The following CNST variants were observed in gnomAD, a reference collection of about 807,000 sequenced individuals.
The protein encoded by CNST is consortin, connexin sorting protein.
CNST carries 39 observed loss-of-function variants against 72.4 expected under a neutral mutation model. That is an observed-to-expected ratio of 0.54 (90% CI 0.42 to 0.70). CNST has a LOEUF of 0.70. Ranked by LOEUF, CNST falls within the 30% of genes least tolerant of loss-of-function variation. CNST has a pLI of 0.00. For missense variants in CNST, 871 were observed against 868.5 expected (o/e 1.00, Z -0.04); for synonymous variants, 332 against 320.1 (o/e 1.04, Z -0.40).
intron 1 of CNST, chr1:246,569,876 G>T: frequency 1.1e-6 from 1 of 915,010 alleles, no homozygotes. Context: ...GGCACAGTAT[G>T]AGTTTCTGTC....
intron 1 of CNST, 60 bp downstream of exon 1, chr1:246,566,723 C>G: frequency 2.5e-6 from 1 of 400,318 alleles, no homozygotes; most frequent in Non-Finnish European, 4.4e-6. Context: ...GATGGAAAGC[C>G]TTTCGGAAGC....
At chr1:246,642,070 A>T (rs747429755) in intron 8 of CNST, 33 bp downstream of exon 8, 2 of 1,214,124 alleles carry the variant, frequency 1.6e-6, no homozygotes, top group East Asian at 4.9e-5. Flanking sequence ...GGAGCAACGT[A>T]AAAGATACCT....
chr1:246,591,409 C>A, intron 1 of CNST, 103 bp from the exon 2 acceptor site: 1 of 815,912 alleles, frequency 1.2e-6, no homozygotes, highest in Non-Finnish European at 1.9e-6. Context: ...CCTTCTCTTC[C>A]CTATTTACAA....
Position 246,583,963 on chromosome 1 carries a change from G to T in CNST, c.-51-7549G>T, listed in dbSNP as rs543899478. 2.0e-5 allele frequency among the ~76,000 whole-genome samples: 3 copies of T among 152,230 alleles called. No homozygotes were observed. In the South Asian group the frequency reaches 6.2e-4, roughly 32 times the overall value. ...TGTACTTTTTTTTTCTTTTTAAGAG[G>T]CAAGGTCTTGCTGTGTTTCCCAGGC... is the stretch of plus-strand genomic sequence containing the variant. On this transcript the variant is annotated intron_variant, in intron 1 of 10. Transcript: ENST00000366513.
At chr1:246,652,902 G>A (rs1427861933) in intron 9 of CNST, among the ~76,000 whole-genome samples, 4 of 151,458 alleles carry the variant, frequency 2.6e-5, no homozygotes, top group Non-Finnish European at 5.9e-5. Context: ...TACTCGGGAG[G>A]CTGAGGCAGG....
chr1:246,658,399 G>C (rs1056119746), intron 9 of CNST, among the ~76,000 whole-genome samples: 2 of 151,792 alleles, frequency 1.3e-5, no homozygotes, highest in Admixed American at 1.3e-4. Flanking sequence ...AAGTACTTCT[G>C]TTTTCTCAGA....
At position 246,591,753 on chromosome 1, in the gene CNST, C is replaced by G. The variant is rs777265758; in HGVS notation, c.191C>G (p.Ser64Cys). ...SDSAMGKPQV[S>C]EQDSLNNNES... ...AGTGCGATGGGAAAGCCCCAAGTGT[C>G]TGAGCAGGACAGTCTCAATAATAAT... The change falls in exon 2 of 11, where the codon TCT becomes TGT. Residue 64 changes from serine to cysteine, a missense_variant. Coordinates refer to ENST00000366513, the MANE Select transcript of CNST (RefSeq NM_152609.3). The G allele has an allele frequency of 1.2e-6, 2 of 1,614,162 alleles. No homozygotes were observed. The highest frequency in any genetic ancestry group is 1.7e-6 in the Non-Finnish European group (2 of 1,180,038).
chr1:246,592,469 A>C (rs1463986925), intron 2 of CNST, among the ~76,000 whole-genome samples: 1 of 152,212 alleles, frequency 6.6e-6, no homozygotes, highest in African/African-American at 2.4e-5. Flanking sequence ...GCCTGGCTAC[A>C]GAGTGAGACT....
At chr1:246,587,226 G>A (rs1412145327) in intron 1 of CNST, among the ~76,000 whole-genome samples, 3 of 152,014 alleles carry the variant, frequency 2.0e-5, no homozygotes, top group Non-Finnish European at 4.4e-5. Flanking sequence ...AGCCTCTTGA[G>A]TAGCTGACAC....
intron 3 of CNST, among the ~76,000 whole-genome samples, chr1:246,624,798 C>T (rs1240428653): frequency 1.3e-5 from 2 of 152,204 alleles, no homozygotes; most frequent in African/African-American, 4.8e-5. Flanking sequence ...GGGCTATAGG[C>T]ATGTGCCACT....
chr1:246,641,534 A>G lies in CNST; in HGVS notation c.819-215A>G, dbSNP rs926007557. On this transcript the variant is annotated intron_variant, in intron 6 of 10. Transcript: ENST00000366513. ...TTTGTTGCTTCTTTGGGGGTTTCCA[A>G]TAGCAGTTGGCCATCTAAGGAGATA... Among the ~76,000 whole-genome samples the G allele has an allele frequency of 6.6e-5, 10 of 152,226 alleles. No individual in the cohort carries two copies. In the South Asian group the frequency reaches 8.3e-4, roughly 13 times the overall value.
intron 2 of CNST, among the ~76,000 whole-genome samples, chr1:246,611,907 G>T (rs371464532): frequency 2.0e-5 from 3 of 152,300 alleles, no homozygotes; most frequent in African/African-American, 7.2e-5. Context: ...AAAAAGGAAT[G>T]CTAATCTGAT....
At chr1:246,591,231 A>C (rs1661527197) in intron 1 of CNST, among the ~76,000 whole-genome samples, 2 of 152,184 alleles carry the variant, frequency 1.3e-5, no homozygotes, top group Non-Finnish European at 2.9e-5. Context: ...AGTGGTGCCT[A>C]GGTTCCATCC....
In CNST at chr1:246,631,910, TC is replaced by T; in HGVS notation, c.604del (p.Gln202ArgfsTer9). 1 of 1,550,672 alleles carries T rather than the reference TC, an allele frequency of 6.4e-7. No individual in the cohort carries two copies. The highest frequency in any genetic ancestry group is 8.8e-7 in the Non-Finnish European group (1 of 1,132,440). ...TTTTAACAGATAGCAGAATCCTATT[TC>T]CAGGAGGAGGACTGTATCCTTTTCT... ...LCLHQIAESYFQEEDYEKAMK... is the reference protein window; with the variant it reads ...LCLHQIAESYXQEEDYEKAMK... On this transcript the variant is annotated frameshift_variant, in exon 4 of 11. Coordinates refer to ENST00000366513, the MANE Select transcript of CNST (RefSeq NM_152609.3). LOFTEE classifies it high-confidence loss of function.
chr1:246,660,423 G>C, intron 10 of CNST, 89 bp downstream of exon 10: 1 of 1,432,112 alleles, frequency 7.0e-7, no homozygotes, highest in Non-Finnish European at 9.5e-7. Flanking sequence ...TTTACTAACA[G>C]GATTTGTAAA....
intron 9 of CNST, among the ~76,000 whole-genome samples, chr1:246,659,365 C>T (rs561140964): frequency 5.9e-5 from 9 of 152,218 alleles, no homozygotes; most frequent in East Asian, 5.8e-4. Flanking sequence ...GAGGCCAAGG[C>T]GGGCAGATCA....
intron 9 of CNST, among the ~76,000 whole-genome samples, chr1:246,652,815 T>A (rs570028179): frequency 4.0e-5 from 6 of 150,604 alleles, no homozygotes; most frequent in Non-Finnish European, 8.9e-5. Flanking sequence ...CCATCCTGGC[T>A]AACACGGTGA....
Position 246,664,640 on chromosome 1 carries a change from A to G in CNST, c.1973-1060A>G, listed in dbSNP as rs369474340. On this transcript the variant is annotated intron_variant, in intron 10 of 10. Coordinates refer to ENST00000366513, the MANE Select transcript of CNST (RefSeq NM_152609.3). ...ACGGGGTTTCACCGTGTCAGCCAGGATGGTCTCGATCTCCTGACCTCGTGA... is the reference window on the plus strand; with the variant it reads ...ACGGGGTTTCACCGTGTCAGCCAGGGTGGTCTCGATCTCCTGACCTCGTGA... Among the ~76,000 whole-genome samples, 169 of 151,736 alleles carry G rather than the reference A, an allele frequency of 1.1e-3. 1 individual carries two copies. Among genetic ancestry groups the G allele is most frequent in the African/African-American group, 2.1e-3 (87 of 41,434 alleles).
chr1:246,637,952 A>G (rs1665404184), intron 6 of CNST, among the ~76,000 whole-genome samples: 1 of 152,152 alleles, frequency 6.6e-6, no homozygotes. Context: ...AATCTTGCCC[A>G]GGTACCTGGC....
Sources: gnomAD v4.1 joint callset for allele counts (sites outside exome capture counted in the v4.1 genomes callset) on GRCh38, gnomAD v4.1.1 for gene constraint, MANE v1.5 for transcripts, NCBI Gene and HGNC (gene_info 2026-07-23, HGNC 2026-07-21) for gene names.